Variants in NAV3 observed in about 807,000 individuals in gnomAD.
NAV3 encodes the protein neuron navigator 3.
Under a neutral mutation model 244.7 loss-of-function variants are expected in NAV3, and 87 were observed. That is an observed-to-expected ratio of 0.36 (90% CI 0.30 to 0.42). NAV3 has a LOEUF of 0.42. Ranked by LOEUF, NAV3 falls within the 20% of genes least tolerant of loss-of-function variation. NAV3 has a pLI of 1.00. For missense variants in NAV3, 2,663 were observed against 2,893.3 expected (o/e 0.92, Z 1.83); for synonymous variants, 1,126 against 1,042.2 (o/e 1.08, Z -1.55).
chr12:77,695,974 T>A (rs1036755669), intron 2 of NAV3, among the ~76,000 whole-genome samples: 1 of 152,164 alleles, frequency 6.6e-6, no homozygotes, highest in Non-Finnish European at 1.5e-5. Flanking sequence ...GTTCAAGGTA[T>A]GCAAAAATCC....
At chr12:77,909,594 T>C (rs963556787) in intron 1 of NAV3, among the ~76,000 whole-genome samples, 1 of 152,090 alleles carries the variant, frequency 6.6e-6, no homozygotes, top group Non-Finnish European at 1.5e-5. Flanking sequence ...CAACATACTT[T>C]TGTCTTTTAA....
At chr12:77,675,931 G>A (rs711137) in intron 2 of NAV3, among the ~76,000 whole-genome samples, 117,346 of 151,894 alleles carry the variant, frequency 0.77, 47,269 homozygotes, top group East Asian at 0.94. Flanking sequence ...TCTCCCCTCC[G>A]TGGTCAATGA....
intron 2 of NAV3, among the ~76,000 whole-genome samples, chr12:77,600,580 C>T (rs1870380979): frequency 6.6e-6 from 1 of 152,066 alleles, no homozygotes; most frequent in East Asian, 1.9e-4. Flanking sequence ...TCATCAGAAA[C>T]ACACTTGGCA....
chr12:78,152,297 C>A (rs1356588478), intron 22 of NAV3, among the ~76,000 whole-genome samples: 1 of 151,520 alleles, frequency 6.6e-6, no homozygotes, highest in African/African-American at 2.4e-5. Context: ...AATGCAGTAT[C>A]TGGGAATTTA....
In NAV3 at chr12:78,007,594, C is replaced by T. The variant is rs529624730; in HGVS notation, c.1907+149C>T. The T allele has an allele frequency of 1.4e-4, 113 of 829,744 alleles. No individual in the cohort carries two copies. The Middle Eastern group carries it at 1.4e-3, about 11-fold the overall frequency. The allele number at this position is 829,744 out of a possible 1,614,324, so 51.4% of individuals were successfully genotyped here. On this transcript the variant is annotated intron_variant, in intron 8 of 39. Transcript: ENST00000397909. ...AAAGATAGAGGCCTAGAATTCAGTG[C>T]GGAATCTTAGTCTGGAAAAAGACTT... is the stretch of plus-strand genomic sequence containing the variant.
At chr12:77,941,786 T>C (rs962142198) in intron 3 of NAV3, among the ~76,000 whole-genome samples, 1 of 152,182 alleles carries the variant, frequency 6.6e-6, no homozygotes, top group Non-Finnish European at 1.5e-5. Flanking sequence ...AGCCACAACT[T>C]AGTTTTATAG....
At chr12:77,576,281 T>A (rs962060676) in intron 2 of NAV3, among the ~76,000 whole-genome samples, 1 of 149,326 alleles carries the variant, frequency 6.7e-6, no homozygotes, top group African/African-American at 2.5e-5. Context: ...CTCCTGTGAT[T>A]TTTTTTTTGG....
chr12:77,624,037 A>G (rs143376822), intron 2 of NAV3, among the ~76,000 whole-genome samples: 71 of 152,322 alleles, frequency 4.7e-4, no homozygotes, highest in South Asian at 8.3e-4. Flanking sequence ...AAGGGAACCT[A>G]CATAATAAAA....
At chr12:77,865,427 A>T (rs1414570786) in intron 1 of NAV3, among the ~76,000 whole-genome samples, 3 of 152,048 alleles carry the variant, frequency 2.0e-5, no homozygotes, top group African/African-American at 7.2e-5. Context: ...GTCATCTGTT[A>T]TTACAAATAT....
At chr12:77,624,731 C>T (rs1002700268) in intron 2 of NAV3, among the ~76,000 whole-genome samples, 1 of 152,152 alleles carries the variant, frequency 6.6e-6, no homozygotes, top group African/African-American at 2.4e-5. Flanking sequence ...GAGAAAGTAA[C>T]ATTTATCCCA....
At chr12:77,989,367 A>G (rs1421788600) in intron 5 of NAV3, among the ~76,000 whole-genome samples, 2 of 152,178 alleles carry the variant, frequency 1.3e-5, no homozygotes, top group Admixed American at 6.5e-5. Context: ...TTACCTTTGC[A>G]TGGTATTTCA....
chr12:77,796,855 T>A (rs1029193285), intron 2 of NAV3, among the ~76,000 whole-genome samples: 2 of 152,044 alleles, frequency 1.3e-5, no homozygotes, highest in African/African-American at 4.8e-5. Context: ...GTTTTTTTTT[T>A]TAAATATAAT....
At position 78,042,755 on chromosome 12, in the gene NAV3, C is replaced by A. The variant is rs535847548; in HGVS notation, c.2024-7238C>A. Among the ~76,000 whole-genome samples the A allele has an allele frequency of 2.8e-4, 42 of 152,250 alleles. 1 individual carries two copies. Among genetic ancestry groups the A allele is most frequent in the Non-Finnish European group, 5.3e-4 (36 of 68,016 alleles). On this transcript the variant is annotated intron_variant, in intron 9 of 39. Transcript: ENST00000397909. ...AGTGATCCAAGATGGTGCCATTGAA[C>A]TCCAGCCTGAGCAAAAGAGTGAGAC...
intron 2 of NAV3, among the ~76,000 whole-genome samples, chr12:77,591,608 C>T (rs1869906567): frequency 6.6e-6 from 1 of 152,136 alleles, no homozygotes; most frequent in Non-Finnish European, 1.5e-5. Flanking sequence ...ACAATTTGAT[C>T]AGCCATATTC....
Position 78,006,951 on chromosome 12 carries a change from G to A in NAV3, c.1413G>A (p.Lys471=), listed in dbSNP as rs770422527. The A allele has an allele frequency of 1.9e-6, 3 of 1,613,892 alleles. No homozygotes were observed. In the South Asian group the frequency reaches 3.3e-5, roughly 18 times the overall value. Residue 471 remains lysine, a synonymous_variant, in exon 8 of 40, where the codon AAG becomes AAA. Transcript: ENST00000397909. The stretch of plus-strand genomic sequence containing the variant: ...TACAGCCAAAGGAAAAAGAAGAAAA[G>A]AACAGGGACAAAAATAAAGTTTGCA... ...SLLQPKEKEE[K]NRDKNKVCTE...
intron 12 of NAV3, among the ~76,000 whole-genome samples, chr12:78,085,823 G>C (rs1251695226): frequency 6.6e-6 from 1 of 152,042 alleles, no homozygotes; most frequent in Non-Finnish European, 1.5e-5. Context: ...CTACAAGACA[G>C]AGAGTAGCTG....
At chr12:77,974,487 A>T (rs1433145352) in intron 5 of NAV3, among the ~76,000 whole-genome samples, 3 of 150,766 alleles carry the variant, frequency 2.0e-5, no homozygotes, top group Non-Finnish European at 4.4e-5. Flanking sequence ...TTGTGGAGAC[A>T]TGGTTTCACC....
intron 18 of NAV3, among the ~76,000 whole-genome samples, chr12:78,134,689 C>T (rs1488847465): frequency 6.6e-6 from 1 of 152,052 alleles, no homozygotes; most frequent in Non-Finnish European, 1.5e-5. Flanking sequence ...GAGTTACAGG[C>T]TACAGTGAGC....
chr12:78,107,909 C>G (rs979465817), intron 12 of NAV3, among the ~76,000 whole-genome samples: 16 of 151,928 alleles, frequency 1.1e-4, no homozygotes, highest in African/African-American at 3.9e-4. Context: ...AAGAAAGGAA[C>G]AAAAATATAT....
Sources: gnomAD v4.1 joint callset for allele counts (sites outside exome capture counted in the v4.1 genomes callset) on GRCh38, gnomAD v4.1.1 for gene constraint, MANE v1.5 for transcripts, NCBI Gene and HGNC (gene_info 2026-07-23, HGNC 2026-07-21) for gene names.